FNDC3A: variants seen among roughly 807,000 people sequenced by gnomAD.
The protein encoded by FNDC3A is fibronectin type-III domain-containing protein 3A.
FNDC3A carries 32 observed loss-of-function variants against 148.9 expected under a neutral mutation model. The ratio of observed to expected loss-of-function variants is 0.21; its 90% CI spans 0.16 to 0.29. The LOEUF is 0.29. FNDC3A is among the 10% of genes least tolerant of loss of function. The pLI, the probability that FNDC3A is intolerant of heterozygous loss-of-function variation, is 1.00. For synonymous variants in FNDC3A, 472 were observed against 473.6 expected (o/e 1.00, Z 0.04); for missense variants, 1,191 against 1,452.8 (o/e 0.82, Z 2.93).
At chr13:49,141,036 A>C (rs775487109) in intron 7 of FNDC3A, among the ~76,000 whole-genome samples, 74 of 152,300 alleles carry the variant, frequency 4.9e-4, no homozygotes, top group Non-Finnish European at 9.6e-4. Flanking sequence ...AAAAAAGGAA[A>C]GCAGAGAAAA....
At chr13:49,052,452 G>T (rs1875909145) in intron 2 of FNDC3A, among the ~76,000 whole-genome samples, 1 of 152,066 alleles carries the variant, frequency 6.6e-6, no homozygotes, top group African/African-American at 2.4e-5. Context: ...GACCTTCTGG[G>T]TCTAGCCACT....
chr13:49,138,853 A>G (rs1274347900), intron 7 of FNDC3A, 48 bp downstream of exon 7: 2 of 980,626 alleles, frequency 2.0e-6, no homozygotes, highest in South Asian at 1.7e-5. Flanking sequence ...ATATATTAGC[A>G]TAAGATGTTC....
intron 2 of FNDC3A, among the ~76,000 whole-genome samples, chr13:49,058,901 ATTC>A (rs2137730991): frequency 6.6e-6 from 1 of 152,288 alleles, no homozygotes. Flanking sequence ...TTCACTCTTC[ATTC>A]TTTCAATACT....
chr13:49,186,097 C>A lies in FNDC3A; in HGVS notation c.1751C>A (p.Thr584Asn). The A allele has an allele frequency of 6.2e-7, 1 of 1,609,240 alleles. No homozygotes were observed. Among genetic ancestry groups the A allele is most frequent in the Non-Finnish European group, 8.5e-7 (1 of 1,176,732 alleles). Residue 584 changes from threonine to asparagine, a missense_variant, in exon 15 of 26, where the codon ACC becomes AAC. By Grantham distance (65) the Thr-to-Asn change is moderately conservative. Coordinates refer to ENST00000492622, the MANE Select transcript of FNDC3A (RefSeq NM_001079673.2). ...ATACATTCACACAGTTTTAAAATAA[C>A]CTGGGGTAAGATATTATGCATGTTT... is the stretch of plus-strand genomic sequence containing the variant. The part of the protein sequence containing the change: ...GKIHSHSFKI[T>N]WDPPKDNGGA...
At chr13:49,050,590 A>G (rs1325164669) in intron 2 of FNDC3A, among the ~76,000 whole-genome samples, 1 of 152,178 alleles carries the variant, frequency 6.6e-6, no homozygotes, top group African/African-American at 2.4e-5. Flanking sequence ...AATGTTCCAT[A>G]TGCTGATGAA....
At chr13:49,010,481 A>G (rs1156911240) in intron 2 of FNDC3A, among the ~76,000 whole-genome samples, 4 of 152,222 alleles carry the variant, frequency 2.6e-5, no homozygotes, top group Non-Finnish European at 4.4e-5. Context: ...AATACAGAAA[A>G]TAAGAAAATA....
In FNDC3A at chr13:49,083,754, G is replaced by A. The variant is rs147680794; in HGVS notation, c.175+8390G>A. On this transcript the variant is annotated intron_variant, in intron 3 of 25. Transcript: ENST00000492622. ...GCAGATTTTGACACGGGGAAGAACA[G>A]CTATGGCTGTATAAAAATGGAGTTG... Among the ~76,000 whole-genome samples, 51 of 152,320 alleles carry A rather than the reference G, an allele frequency of 3.3e-4. 1 individual carries two copies. The East Asian group carries it at 6.7e-3, about 20-fold the overall frequency.
chr13:49,174,597 G>A (rs1277469623), intron 12 of FNDC3A, 38 bp downstream of exon 12: 2 of 1,539,890 alleles, frequency 1.3e-6, no homozygotes, highest in African/African-American at 1.4e-5. Flanking sequence ...AATATTTTTA[G>A]ATTATCAAGT....
intron 2 of FNDC3A, among the ~76,000 whole-genome samples, chr13:49,012,620 GA>G (rs1485397125): frequency 6.6e-6 from 1 of 152,066 alleles, no homozygotes; most frequent in African/African-American, 2.4e-5. Flanking sequence ...TCTATAGATT[GA>G]TTGAGGGAAG....
chr13:49,020,440 A>G (rs939292801), intron 2 of FNDC3A, among the ~76,000 whole-genome samples: 20 of 152,248 alleles, frequency 1.3e-4, no homozygotes, highest in African/African-American at 4.6e-4. Flanking sequence ...AATAGGCAAG[A>G]TTATTTTGTG....
intron 2 of FNDC3A, among the ~76,000 whole-genome samples, chr13:49,011,155 A>G (rs1952334871): frequency 6.6e-6 from 1 of 152,048 alleles, no homozygotes; most frequent in Admixed American, 6.6e-5. Flanking sequence ...ATTCTGGCCA[A>G]AAGTTCTTAG....
Position 49,203,170 on chromosome 13 carries a change from G to C in FNDC3A, c.3168G>C (p.Glu1056Asp), listed in dbSNP as rs1346972131. Reference protein sequence around the residue: ...VPAALKAPKIEKVNDHICEIT... With the variant: ...VPAALKAPKIDKVNDHICEIT... ...TGTTTCCTACAGCCCCCAAAATAGA[G>C]AAAGTAAATGATCACATTTGTGAAA... The change falls in exon 25 of 26, where the codon GAG becomes GAC. Residue 1056 changes from glutamate to aspartate, a missense_variant. Around this residue, in one of 3 missense-constraint regions of FNDC3A, gnomAD observed 751 missense variants for 944.0 expected, o/e 0.80. Transcript: ENST00000492622. 6.2e-7 allele frequency: 1 copy of C among 1,600,348 alleles called. No individual in the cohort carries two copies. Among genetic ancestry groups the C allele is most frequent in the African/African-American group, 1.3e-5 (1 of 74,626 alleles).
chr13:48,980,630 A>G (rs1465043825), intron 1 of FNDC3A, among the ~76,000 whole-genome samples: 2 of 152,152 alleles, frequency 1.3e-5, no homozygotes, highest in Admixed American at 1.3e-4. Flanking sequence ...TTGAAAAGTA[A>G]TTTACATGAA....
At chr13:49,116,098 C>A (rs910672674) in intron 4 of FNDC3A, among the ~76,000 whole-genome samples, 16 of 152,152 alleles carry the variant, frequency 1.1e-4, no homozygotes, top group Admixed American at 9.2e-4. Context: ...AAGACAAGTT[C>A]TTTCAGTGCA....
intron 3 of FNDC3A, among the ~76,000 whole-genome samples, chr13:49,082,446 T>A (rs1878541443): frequency 6.6e-6 from 1 of 152,178 alleles, no homozygotes; most frequent in Non-Finnish European, 1.5e-5. Context: ...TTCTACGTTT[T>A]GATTTTAAAA....
rs1271277958 is a variant in FNDC3A, at chr13:49,130,742, G to A, written c.253-395G>A. Reference sequence around the variant, plus strand: ...TCTCCAAATTTTTAAAATTTCTAATGGTGTAAAAATTCTTACTCTTACATT... The same window carrying A: ...TCTCCAAATTTTTAAAATTTCTAATAGTGTAAAAATTCTTACTCTTACATT... On this transcript the variant is annotated intron_variant, in intron 4 of 25. Transcript: ENST00000492622. Among the ~76,000 whole-genome samples, 5 of 152,038 alleles carry A rather than the reference G, an allele frequency of 3.3e-5. No homozygotes were observed. The East Asian group carries it at 7.7e-4, about 23-fold the overall frequency.
intron 2 of FNDC3A, among the ~76,000 whole-genome samples, chr13:49,026,323 T>C (rs538011738): frequency 6.6e-6 from 1 of 152,360 alleles, no homozygotes; most frequent in South Asian, 2.1e-4. Context: ...AATAAAATTA[T>C]ATTTCTTTTT....
Position 49,136,583 on chromosome 13 carries a change from G to T in FNDC3A, c.742G>T (p.Val248Phe). The T allele has an allele frequency of 6.2e-7, 1 of 1,612,586 alleles. No homozygotes were observed. Among genetic ancestry groups the T allele is most frequent in the Non-Finnish European group, 8.5e-7 (1 of 1,178,650 alleles). ...TGGGAAGGGGAAAGGTGGTACACAA[G>T]TTGATACAGAAATTGAAGGTAACTG... ...KSGKGKGGTQ[V>F]DTEIEEKDEE... Residue 248 changes from valine to phenylalanine, a missense_variant, in exon 6 of 26, where the codon GTT (valine) becomes TTT (phenylalanine). Coordinates refer to ENST00000492622, the MANE Select transcript of FNDC3A (RefSeq NM_001079673.2).
intron 4 of FNDC3A, among the ~76,000 whole-genome samples, chr13:49,117,634 G>T (rs1184426620): frequency 6.6e-6 from 1 of 151,504 alleles, no homozygotes; most frequent in Admixed American, 6.6e-5. Context: ...TACTGAACAC[G>T]TACAGACTTT....
Sources: gnomAD v4.1 joint callset for allele counts (sites outside exome capture counted in the v4.1 genomes callset) on GRCh38, gnomAD v4.1.1 for gene constraint, gnomAD v4.1.1 regional missense constraint, MANE v1.5 for transcripts, NCBI Gene and HGNC (gene_info 2026-07-23, HGNC 2026-07-21) for gene names.